Variants in MGAM observed in about 807,000 individuals in gnomAD.
MGAM encodes maltase-glucoamylase.
A neutral mutation model predicts 358.8 loss-of-function variants in MGAM; 253 were observed. The ratio of observed to expected loss-of-function variants is 0.71; its 90% confidence interval spans 0.64 to 0.78. The LOEUF (loss-of-function observed/expected upper bound fraction) is 0.78. MGAM is among the 30% of genes least tolerant of loss of function. MGAM has a pLI of 0.00. For missense variants in MGAM, 3,080 were observed against 3,432.6 expected, an observed-to-expected ratio of 0.90 and a Z score of 2.57; for synonymous variants, 1,105 against 1,227.1, an observed-to-expected ratio of 0.90 and a Z score of 2.08.
chr7:142,010,675 C>A (rs1805528773), intron 3 of MGAM, among the ~76,000 whole-genome samples: 1 of 152,046 alleles, frequency 6.6e-6, no homozygotes, highest in Non-Finnish European at 1.5e-5. Flanking sequence ...TTACATCCAA[C>A]TTTTGTTATT....
chr7:142,092,634 G>T, intron 59 of MGAM, 26 bp downstream of exon 59: 1 of 1,500,496 alleles, frequency 6.7e-7, no homozygotes, highest in Non-Finnish European at 9.1e-7. Context: ...CTTCTTGATT[G>T]GCAGAGCCAT....
rs187045617 is a variant in MGAM, at chr7:142,093,542, C to T, written c.7164C>T (p.Pro2388=). The T allele has an allele frequency of 1.1e-4, 162 of 1,500,234 alleles. 12 individuals carry two copies. In the African/African-American group the frequency reaches 1.8e-3, roughly 17 times the overall value. The allele number at this position is 1,500,234 out of a possible 1,614,324, so 92.9% of individuals were successfully genotyped here. A position where few individuals can be genotyped will look rare whatever the true frequency, so the allele number is the denominator to read the frequency against. The change falls in exon 60 of 71, where the codon CCC becomes CCT. Residue 2388 remains proline (P), a synonymous_variant. Transcript: ENST00000475668. The part of the protein sequence containing the change: ...HNLYGWSQTR[P]TYEAVQEVTG... Reference sequence around the variant, plus strand: ...TGTACGGGTGGTCCCAGACCAGACCCACATACGAGTGAGTCTCTGTCTCCC... The same window carrying T: ...TGTACGGGTGGTCCCAGACCAGACCTACATACGAGTGAGTCTCTGTCTCCC...
In MGAM at chr7:142,056,950, G is replaced by A. The variant is rs775282023; in HGVS notation, c.3693+8G>A. The A allele has an allele frequency of 1.9e-6, 3 of 1,612,876 alleles. No individual in the cohort carries two copies. The African/African-American group carries it at 4.0e-5, about 22-fold the overall frequency. On this transcript the variant is annotated splice_region_variant and intron_variant, in intron 30 of 70. Transcript: ENST00000475668. ...ACCCAGCAGTACACTGAGGTAGGGG[G>A]AAATCCAATTGTTTATCAAGTACTT...
Position 142,030,616 on chromosome 7 carries a change from T to C in MGAM, c.1354-25T>C, listed in dbSNP as rs782454357. 1.1e-5 allele frequency: 18 copies of C among 1,604,002 alleles called. No homozygotes were observed. In the South Asian group the frequency reaches 2.0e-4, roughly 18 times the overall value. On this transcript the variant is annotated intron_variant, in intron 11 of 70. Coordinates refer to ENST00000475668, the MANE Select transcript of MGAM (RefSeq NM_001365693.1). ...GTGCCTCCGGTTTCCAGCTAGTTTG[T>C]TCATTGTATTCTTCCTATTTTTAGG...
intron 63 of MGAM, 131 bp downstream of exon 63, chr7:142,094,994 T>C: frequency 2.3e-6 from 2 of 878,250 alleles, no homozygotes; most frequent in Non-Finnish European, 3.4e-6. Flanking sequence ...AGACAAAGAC[T>C]CATTCTATTG....
intron 4 of MGAM, among the ~76,000 whole-genome samples, chr7:142,020,480 C>G (rs1806338925): frequency 6.6e-6 from 1 of 151,612 alleles, no homozygotes; most frequent in Non-Finnish European, 1.5e-5. Flanking sequence ...ATATCTAGCT[C>G]CAGAATCTGC....
intron 3 of MGAM, among the ~76,000 whole-genome samples, chr7:142,018,800 G>C (rs1375760164): frequency 2.6e-5 from 4 of 152,160 alleles, no homozygotes; most frequent in African/African-American, 9.6e-5. Flanking sequence ...TGATTTGAAA[G>C]CTTCAGAATA....
intron 48 of MGAM, 115 bp downstream of exon 48, chr7:142,078,585 AAGGGACATGATC>A: frequency 8.5e-7 from 1 of 1,179,700 alleles, no homozygotes; most frequent in Non-Finnish European, 1.2e-6. Flanking sequence ...AGGACTTCCT[AAGGGACATGATC>A]TGGATGTGAC....
chr7:142,100,921 A>T (rs1019984317), intron 68 of MGAM, 31 bp downstream of exon 68: 14 of 1,581,004 alleles, frequency 8.9e-6, no homozygotes, highest in Non-Finnish European at 1.1e-5. Flanking sequence ...ATTCATGCTG[A>T]TGGCACTGAC....
intron 18 of MGAM, among the ~76,000 whole-genome samples, chr7:142,037,567 C>T (rs554202681): frequency 6.6e-5 from 10 of 152,202 alleles, no homozygotes; most frequent in East Asian, 5.8e-4. Context: ...CCCTCAGGCA[C>T]GTATCAGGCT....
chr7:142,044,394 CGA>C (rs1809689330), intron 21 of MGAM, among the ~76,000 whole-genome samples: 1 of 99,320 alleles, frequency 1.0e-5, no homozygotes, highest in Admixed American at 1.3e-4. Context: ...TATACACATA[CGA>C]TATATGATAT....
At chr7:142,105,408 C>T (rs974616900) in intron 70 of MGAM, among the ~76,000 whole-genome samples, 3 of 152,108 alleles carry the variant, frequency 2.0e-5, no homozygotes, top group African/African-American at 7.2e-5. Flanking sequence ...CTGGCTTAGC[C>T]TCCCTAGTAG....
At chr7:142,045,111 T>G (rs1218491089) in intron 21 of MGAM, among the ~76,000 whole-genome samples, 1 of 91,844 alleles carries the variant, frequency 1.1e-5, no homozygotes, top group Non-Finnish European at 2.0e-5. Flanking sequence ...TATATATACG[T>G]GCAATATATG....
Position 142,052,287 on chromosome 7 carries a change from C to G in MGAM, c.2806-7C>G, listed in dbSNP as rs763380023. On this transcript the variant is annotated splice_region_variant and splice_polypyrimidine_tract_variant and intron_variant, in intron 24 of 70. Transcript: ENST00000475668. ...TGAATTTCCTTATGATTTCCACATT[C>G]CTACAGGTTGCCATTATCACAGATA... 6.3e-7 allele frequency: 1 copy of G among 1,598,056 alleles called. No homozygotes were observed. The highest frequency in any genetic ancestry group is 2.2e-5 in the East Asian group (1 of 44,490).
intron 34 of MGAM, among the ~76,000 whole-genome samples, chr7:142,061,229 C>T (rs1231986328): frequency 2.6e-5 from 4 of 152,120 alleles, no homozygotes; most frequent in Admixed American, 6.5e-5. Context: ...AGGTTCCCTA[C>T]GTGTACCCCG....
intron 1 of MGAM, among the ~76,000 whole-genome samples, chr7:142,001,901 T>A (rs1804769260): frequency 6.6e-6 from 1 of 152,192 alleles, no homozygotes; most frequent in African/African-American, 2.4e-5. Flanking sequence ...ATATTTTTAT[T>A]TGATTTCCAC....
At chr7:142,063,385 G>A in intron 35 of MGAM, 114 bp from the exon 36 acceptor site, 2 of 1,235,626 alleles carry the variant, frequency 1.6e-6, no homozygotes, top group Non-Finnish European at 1.1e-6. Flanking sequence ...CCCAGGGCTG[G>A]CATCTACAGA....
chr7:142,013,179 G>T (rs150569398), intron 3 of MGAM, among the ~76,000 whole-genome samples: 1,900 of 152,102 alleles, frequency 0.012, 14 homozygotes, highest in Non-Finnish European at 0.018. Context: ...AGGCTGTGGT[G>T]ACCTGGACAA....
At chr7:142,025,244 G>A in intron 8 of MGAM, 95 bp downstream of exon 8, 1 of 938,142 alleles carries the variant, frequency 1.1e-6, no homozygotes, top group Non-Finnish European at 1.7e-6. Context: ...CTTTAAGAGT[G>A]ACTGAGCCAT....
Sources: gnomAD v4.1 joint callset for allele counts (sites outside exome capture counted in the v4.1 genomes callset) on GRCh38, gnomAD v4.1.1 for gene constraint, MANE v1.5 for transcripts, NCBI Gene and HGNC (gene_info 2026-07-23, HGNC 2026-07-21) for gene names.